PDLIM2: variants seen among roughly 807,000 people sequenced by gnomAD.
PDLIM2 encodes the protein PDZ and LIM domain protein 2.
PDLIM2 carries 51 observed loss-of-function variants against 54.1 expected under a neutral mutation model. The observed-to-expected ratio is 0.94, with a 90% CI of 0.75 to 1.19. The LOEUF is 1.19. Ranked by LOEUF, PDLIM2 falls within the 50% of genes most tolerant of loss-of-function variation. PDLIM2 has a pLI of 0.00. For missense variants in PDLIM2, 912 were observed against 874.0 expected (o/e 1.04, Z -0.55); for synonymous variants, 398 against 385.6 (o/e 1.03, Z -0.38).
At chr8:22,579,268 C>G (rs1457398199) in exon 1 of PDLIM2, 4 of 1,361,142 alleles carry the variant, frequency 2.9e-6, no homozygotes, top group East Asian at 3.1e-5. Context: ...CCGCCCTCCC[C>G]GGCGCCGGGC....
At chr8:22,597,506 T>C (rs1453277128), downstream of PDLIM2, 1 of 152,490 alleles carries the variant, frequency 6.6e-6, no homozygotes, top group East Asian at 1.9e-4. Flanking sequence ...TGGAGGTTCT[T>C]TTGAGTCACA....
At chr8:22,583,327 ACGCGCTCAAAGGCACCCTGG>A (rs1215943823) in intron 3 of PDLIM2, among the ~76,000 whole-genome samples, 1 of 152,012 alleles carries the variant, frequency 6.6e-6, no homozygotes, top group Non-Finnish European at 1.5e-5. Context: ...ATCAGGAGTG[ACGCGCTCAAAGGCACCCTGG>A]CCTCCAGTGG....
intron 1 of PDLIM2, chr8:22,580,560 G>T: frequency 1.2e-6 from 2 of 1,613,112 alleles, no homozygotes; most frequent in Non-Finnish European, 1.7e-6. Flanking sequence ...CCCCAGAGCC[G>T]GCTAGGGGCA....
intron 2 of PDLIM2, 160 bp downstream of exon 1, chr8:22,580,857 G>A (rs1312241374): frequency 1.4e-5 from 12 of 842,294 alleles, no homozygotes; most frequent in South Asian, 2.9e-5. Context: ...CCTTTGCCAC[G>A]GGGATGTGGT....
chr8:22,581,121 C>T, intron 2 of PDLIM2: 1 of 675,672 alleles, frequency 1.5e-6, no homozygotes, highest in Non-Finnish European at 2.8e-6. Flanking sequence ...AAAGTATTTC[C>T]AAGCACAGTT....
downstream of PDLIM2, chr8:22,594,448 T>C (rs569340226): frequency 6.2e-7 from 1 of 1,606,842 alleles, no homozygotes; most frequent in South Asian, 1.1e-5. Flanking sequence ...GCACCTGACA[T>C]TTCCCATGGA....
intron 3 of PDLIM2, among the ~76,000 whole-genome samples, chr8:22,583,220 C>T (rs1800261888): frequency 1.3e-5 from 2 of 152,026 alleles, no homozygotes; most frequent in South Asian, 4.2e-4. Flanking sequence ...GCTGGGAGGG[C>T]GTGCCCCTCT....
chr8:22,589,169 G>A (rs1800460427), intron 6 of PDLIM2, 129 bp from the exon 6 acceptor site: 1 of 867,128 alleles, frequency 1.2e-6, no homozygotes, highest in African/African-American at 1.7e-5. Context: ...GAAGGGGCAG[G>A]GGTCCGCTGG....
At chr8:22,589,656 G>A in exon 8 of PDLIM2, 1 of 1,590,496 alleles carries the variant, frequency 6.3e-7, no homozygotes, top group Non-Finnish European at 8.6e-7. Flanking sequence ...TCAAGATGCT[G>A]CAGGAAAATC....
intron 6 of PDLIM2, chr8:22,589,092 C>T (rs1231415429): frequency 1.6e-5 from 8 of 496,798 alleles, no homozygotes; most frequent in Non-Finnish European, 3.7e-6. Flanking sequence ...GCCCTGGCTC[C>T]GAGGGAAGGG....
At chr8:22,594,909 G>C (rs1243451914), downstream of PDLIM2, 3 of 391,320 alleles carry the variant, frequency 7.7e-6, no homozygotes, top group Non-Finnish European at 1.4e-5. Context: ...CTGGGAGAGA[G>C]AGAGGACCTG....
At chr8:22,578,888 C>G in exon 1 of PDLIM2, 1 of 1,238,314 alleles carries the variant, frequency 8.1e-7, no homozygotes, top group Non-Finnish European at 1.0e-6. Context: ...CTGCTGTGCT[C>G]CGGGCAGTCG....
chr8:22,579,356 G>A, exon 1 of PDLIM2: 2 of 1,470,116 alleles, frequency 1.4e-6, no homozygotes, highest in Non-Finnish European at 1.8e-6. Flanking sequence ...ATCAGCGGGG[G>A]CGCCCCCGCG....
At chr8:22,586,756 C>T (rs1439791590) in intron 6 of PDLIM2, among the ~76,000 whole-genome samples, 2 of 152,134 alleles carry the variant, frequency 1.3e-5, no homozygotes, top group African/African-American at 4.8e-5. Flanking sequence ...TCCCGAGCTT[C>T]CCCATCGTGT....
exon 1 of PDLIM2, chr8:22,579,089 T>A: frequency 3.2e-6 from 4 of 1,259,966 alleles, no homozygotes; most frequent in Non-Finnish European, 4.0e-6. Context: ...CGGGATCACA[T>A]GGGCGGAGGC....
At chr8:22,585,133 C>T (rs1800337688) in exon 5 of PDLIM2, 1 of 1,613,720 alleles carries the variant, frequency 6.2e-7, no homozygotes, top group Non-Finnish European at 8.5e-7. Flanking sequence ...CTAGCAGCTC[C>T]CTCACTGGAG....
chr8:22,595,836 C>T (rs1800672900), downstream of PDLIM2: 1 of 152,434 alleles, frequency 6.6e-6, no homozygotes, highest in African/African-American at 2.4e-5. Flanking sequence ...ATTGCCCAGG[C>T]TGGAGTGCAG....
At chr8:22,594,532 G>A, downstream of PDLIM2, 1 of 1,614,070 alleles carries the variant, frequency 6.2e-7, no homozygotes, top group Non-Finnish European at 8.5e-7. Flanking sequence ...TTTTACAGGA[G>A]GACGCTTGTG....
At chr8:22,594,641 A>C, downstream of PDLIM2, 1 of 1,613,096 alleles carries the variant, frequency 6.2e-7, no homozygotes, top group Non-Finnish European at 8.5e-7. Flanking sequence ...CATCCAGCCA[A>C]GCTGGTGAGA....
Sources: gnomAD v4.1 joint callset for allele counts (sites outside exome capture counted in the v4.1 genomes callset) on GRCh38, gnomAD v4.1.1 for gene constraint, MANE v1.5 for transcripts, NCBI Gene and HGNC (gene_info 2026-07-23, HGNC 2026-07-21) for gene names.